USP31: variants seen among roughly 807,000 people sequenced by gnomAD.
USP31 encodes the protein ubiquitin specific peptidase 31.
In USP31, 44 loss-of-function variants were observed where a neutral mutation model predicts 119.4. The ratio of observed to expected loss-of-function variants is 0.37; its 90% CI spans 0.29 to 0.47. USP31 has a LOEUF of 0.47. USP31 is among the 20% of genes least tolerant of loss of function. The pLI, the probability that USP31 is intolerant of heterozygous loss-of-function variation, is 0.99. For synonymous variants in USP31, 749 were observed against 705.6 expected (o/e 1.06, Z -0.97); for missense variants, 1,643 against 1,730.2 (o/e 0.95, Z 0.89).
chr16:23,146,726 C>T (rs1339342867), intron 1 of USP31, among the ~76,000 whole-genome samples: 1 of 151,942 alleles, frequency 6.6e-6, no homozygotes, highest in Non-Finnish European at 1.5e-5. Context: ...CCATGTAGTT[C>T]GTCAGCAAGA....
chr16:23,130,144 G>A (rs552110357), intron 1 of USP31, among the ~76,000 whole-genome samples: 1 of 152,308 alleles, frequency 6.6e-6, no homozygotes, highest in East Asian at 1.9e-4. Context: ...GGACAGGGGG[G>A]AAGATAAGAT....
At chr16:23,124,302 A>G (rs1902775819) in intron 1 of USP31, among the ~76,000 whole-genome samples, 1 of 152,152 alleles carries the variant, frequency 6.6e-6, no homozygotes, top group Non-Finnish European at 1.5e-5. Context: ...AAAGAGTACA[A>G]AATAATATGA....
rs562241704 is a variant in USP31, at chr16:23,082,604, CTG to C, written c.1831-49_1831-48del. 224 of 1,611,904 alleles carry C rather than the reference CTG, an allele frequency of 1.4e-4. 2 individuals carry two copies. The African/African-American group carries it at 2.4e-3, about 17-fold the overall frequency. On this transcript the variant is annotated intron_variant, in intron 11 of 15. Transcript: ENST00000219689. ...CCGTTAAGTGCCACTTAATGCAAGA[CTG>C]TGTTACAGCTGGACTAATGCCTTAG... is the stretch of plus-strand genomic sequence containing the variant.
chr16:23,077,587 T>C (rs1900632595), intron 13 of USP31, among the ~76,000 whole-genome samples: 1 of 152,004 alleles, frequency 6.6e-6, no homozygotes, highest in Admixed American at 6.6e-5. Context: ...CTCCTCCATC[T>C]CTCCCTACCT....
intron 1 of USP31, among the ~76,000 whole-genome samples, chr16:23,134,087 TCTCACACACA>T (rs909221010): frequency 1.4e-4 from 16 of 112,482 alleles, no homozygotes; most frequent in Admixed American, 8.5e-4. Flanking sequence ...TCTCTCTCTC[TCTCACACACA>T]CACACACACA....
At chr16:23,097,109 GAAA>G (rs1901647522) in intron 6 of USP31, among the ~76,000 whole-genome samples, 1 of 151,638 alleles carries the variant, frequency 6.6e-6, no homozygotes, top group Non-Finnish European at 1.5e-5. Flanking sequence ...GACTAATAAA[GAAA>G]AAAAGAGAGA....
chr16:23,128,880 A>G (rs1012035736), intron 1 of USP31, among the ~76,000 whole-genome samples: 11 of 152,222 alleles, frequency 7.2e-5, no homozygotes, highest in African/African-American at 2.4e-4. Context: ...GGACAGAGGA[A>G]CATCTTAATT....
Position 23,072,055 on chromosome 16 carries a change from A to G in USP31, c.2478T>C (p.Ser826=). 6.2e-7 allele frequency: 1 copy of G among 1,611,590 alleles called. No individual in the cohort carries two copies. ...SESVEMTGER[S]EDDGGFSTRP... ...AAAACCCACACCCACCATCATCTTC[A>G]CTCCTTTCTCCAGTCATCTCCACGG... is the stretch of plus-strand genomic sequence containing the variant. The change falls in exon 15 of 16, where the codon AGT becomes AGC. Residue 826 remains serine (S), a synonymous_variant. Transcript: ENST00000219689.
At chr16:23,094,101 G>A (rs1456402910) in intron 6 of USP31, among the ~76,000 whole-genome samples, 1 of 152,186 alleles carries the variant, frequency 6.6e-6, no homozygotes, top group Admixed American at 6.5e-5. Context: ...GCCAAGGGAA[G>A]CTGTGACAGA....
intron 1 of USP31, among the ~76,000 whole-genome samples, chr16:23,119,708 C>T (rs1306383741): frequency 3.9e-5 from 6 of 152,058 alleles, no homozygotes; most frequent in African/African-American, 1.5e-4. Flanking sequence ...ACAAAAATGC[C>T]GTTTATCTAA....
At chr16:23,090,110 T>G (rs1901285864) in intron 7 of USP31, among the ~76,000 whole-genome samples, 1 of 152,174 alleles carries the variant, frequency 6.6e-6, no homozygotes, top group Non-Finnish European at 1.5e-5. Flanking sequence ...CCTGGCCAGA[T>G]GCAGTGGCTC....
Position 23,068,252 on chromosome 16 carries a change from C to T in USP31, c.3853G>A (p.Ala1285Thr). Residue 1285 changes from alanine (A) to threonine (T), a missense_variant, in exon 16 of 16, where the codon GCA becomes ACA. Coordinates refer to ENST00000219689, the MANE Select transcript of USP31 (RefSeq NM_020718.4). ...HQPPASQQPN[A>T]NTTGKEQLVT... ...AGCTGCTCTTTTCCCGTTGTATTTG[C>T]ATTTGGCTGCTGGGAAGCTGGAGGC... 9 of 1,614,122 alleles carry T rather than the reference C, an allele frequency of 5.6e-6. No homozygotes were observed. Among genetic ancestry groups the T allele is most frequent in the Non-Finnish European group, 7.6e-6 (9 of 1,179,990 alleles).
At chr16:23,116,870 C>T (rs9630614) in intron 1 of USP31, among the ~76,000 whole-genome samples, 4,655 of 152,244 alleles carry the variant, frequency 0.031, 253 homozygotes, top group African/African-American at 0.11. Flanking sequence ...GGAGCAAATG[C>T]CACACACATT....
intron 1 of USP31, among the ~76,000 whole-genome samples, chr16:23,142,455 C>A (rs1903379382): frequency 6.6e-6 from 1 of 152,248 alleles, no homozygotes. Context: ...TTCAGCACGT[C>A]CCCTCTGCCC....
At chr16:23,101,488 C>CA (rs1901855229) in intron 6 of USP31, among the ~76,000 whole-genome samples, 1 of 152,036 alleles carries the variant, frequency 6.6e-6, no homozygotes, top group Admixed American at 6.5e-5. Flanking sequence ...GAATTCAGCT[C>CA]AAAAAATCAA....
At chr16:23,117,086 T>G (rs1902509929) in intron 1 of USP31, among the ~76,000 whole-genome samples, 1 of 152,258 alleles carries the variant, frequency 6.6e-6, no homozygotes, top group Admixed American at 6.5e-5. Context: ...GCATTTCTTT[T>G]GAGCATAATG....
chr16:23,124,955 A>G (rs1401099828), intron 1 of USP31, among the ~76,000 whole-genome samples: 1 of 152,184 alleles, frequency 6.6e-6, no homozygotes, highest in Non-Finnish European at 1.5e-5. Flanking sequence ...TAAAACAATC[A>G]GACTTGCAAA....
At position 23,069,396 on chromosome 16, in the gene USP31, T is replaced by C. The variant is rs1485050850; in HGVS notation, c.2709A>G (p.Ala903=). Residue 903 remains alanine, a synonymous_variant, in exon 16 of 16, where the codon GCA becomes GCG. Transcript: ENST00000219689. ...ASTLEKIGEA[A]DDKVSISCFG... ...AGCAAGAGATGGAGACCTTGTCATC[T>C]GCTGCCTCCCCAATCTTCTCCAAGG... 1.2e-6 allele frequency: 2 copies of C among 1,611,944 alleles called. No individual in the cohort carries two copies. Among genetic ancestry groups the C allele is most frequent in the Admixed American group, 1.7e-5 (1 of 59,946 alleles).
chr16:23,072,687 G>A (rs969914157), intron 14 of USP31: 6 of 336,896 alleles, frequency 1.8e-5, no homozygotes, highest in Admixed American at 1.3e-4. Context: ...CACACACACA[G>A]CTATATGTCA....
Sources: gnomAD v4.1 joint callset for allele counts (sites outside exome capture counted in the v4.1 genomes callset) on GRCh38, gnomAD v4.1.1 for gene constraint, MANE v1.5 for transcripts, NCBI Gene and HGNC (gene_info 2026-07-23, HGNC 2026-07-21) for gene names.